The following CDH13 variants were observed in gnomAD, a reference collection of about 807,000 sequenced individuals.
CDH13 encodes the protein cadherin-13.
A neutral mutation model predicts 63.8 loss-of-function variants in CDH13; 24 were observed. The observed-to-expected ratio is 0.38, with a 90% CI of 0.27 to 0.53. The LOEUF (loss-of-function observed/expected upper bound fraction) is 0.53, where lower values mean the gene tolerates loss of function less well. CDH13 is among the 20% of genes least tolerant of loss of function. The probability of loss-of-function intolerance (pLI) is 0.85; values close to 1 mark genes in which losing one functional copy is unlikely to be tolerated. For synonymous variants in CDH13, 503 were observed against 355.3 expected (o/e 1.42, Z -4.67); for missense variants, 1,049 against 903.1 (o/e 1.16, Z -2.07).
intron 1 of CDH13, among the ~76,000 whole-genome samples, chr16:82,633,077 TCACGGGC>T (rs1908215412): frequency 6.6e-6 from 1 of 152,184 alleles, no homozygotes; most frequent in Non-Finnish European, 1.5e-5. Flanking sequence ...TTTTGCTTGC[TCACGGGC>T]CACTCACCTC....
chr16:83,316,223 C>G (rs1242588526), intron 5 of CDH13, among the ~76,000 whole-genome samples: 3 of 152,190 alleles, frequency 2.0e-5, no homozygotes, highest in East Asian at 1.9e-4. Context: ...AGGTCCCTCC[C>G]CAAACACGTG....
At chr16:83,175,860 C>T (rs894835013) in intron 4 of CDH13, among the ~76,000 whole-genome samples, 1 of 108,526 alleles carries the variant, frequency 9.2e-6, no homozygotes, top group African/African-American at 3.8e-5. Context: ...CGGAGTTTCA[C>T]TCTTATTGCC....
chr16:83,558,183 C>T (rs139898481), intron 7 of CDH13, among the ~76,000 whole-genome samples: 229 of 152,270 alleles, frequency 1.5e-3, no homozygotes, highest in African/African-American at 5.1e-3. Context: ...TTGAGACCAT[C>T]ACATTTGCTT....
rs2073895280 is a variant in CDH13 at position 83,486,562 on chromosome 16, G to A, written c.867G>A (p.Gln289=). 5.6e-6 allele frequency: 9 copies of A among 1,613,948 alleles called. No homozygotes were observed. In the Middle Eastern group the frequency reaches 4.9e-4, roughly 89 times the overall value. ...NALLRYNIRQ[Q]TPDKPSPNMF... ...TCCTGCGGTATAATATCCGTCAGCAGACGCCTGACAAGCCATCTCCCAACA... is the reference window on the plus strand; with the variant it reads ...TCCTGCGGTATAATATCCGTCAGCAAACGCCTGACAAGCCATCTCCCAACA... Residue 289 remains glutamine (Q), a synonymous_variant, in exon 7 of 14, where the codon CAG becomes CAA. Transcript: ENST00000567109.
intron 6 of CDH13, among the ~76,000 whole-genome samples, chr16:83,360,189 C>G (rs1470260378): frequency 2.6e-5 from 4 of 152,212 alleles, no homozygotes; most frequent in Non-Finnish European, 5.9e-5. Context: ...ATCGCTTTAG[C>G]TTGTGCAGAT....
intron 10 of CDH13, among the ~76,000 whole-genome samples, chr16:83,708,040 A>G (rs775928645): frequency 5.9e-5 from 9 of 152,134 alleles, no homozygotes; most frequent in Non-Finnish European, 1.2e-4. Context: ...ACCAGAAGGC[A>G]TGAGCTCCAT....
chr16:83,740,031 A>G (rs1287603403), intron 10 of CDH13: 1 of 152,194 alleles, frequency 6.6e-6, no homozygotes, highest in Non-Finnish European at 1.5e-5. Flanking sequence ...CCTACAAAGC[A>G]CAAGACACAC....
intron 4 of CDH13, among the ~76,000 whole-genome samples, chr16:83,193,053 C>A (rs1335092637): frequency 6.6e-6 from 1 of 151,956 alleles, no homozygotes; most frequent in Non-Finnish European, 1.5e-5. Flanking sequence ...AGATGGCACA[C>A]TCGGAGTTGT....
chr16:83,107,251 C>T (rs937085279), intron 3 of CDH13, among the ~76,000 whole-genome samples: 2 of 152,136 alleles, frequency 1.3e-5, no homozygotes, highest in Non-Finnish European at 2.9e-5. Context: ...TTCCAACCTT[C>T]TGGCCAGAGA....
At chr16:82,889,132 A>G (rs1447481647) in intron 2 of CDH13, among the ~76,000 whole-genome samples, 1 of 152,246 alleles carries the variant, frequency 6.6e-6, no homozygotes, top group Admixed American at 6.5e-5. Flanking sequence ...TCAATCACAG[A>G]AAATCATTCT....
intron 6 of CDH13, among the ~76,000 whole-genome samples, chr16:83,404,595 A>G (rs1187294005): frequency 1.3e-5 from 2 of 152,228 alleles, no homozygotes; most frequent in Non-Finnish European, 1.5e-5. Context: ...TATGGCATAG[A>G]TGTGTGTGCA....
chr16:83,758,984 A>G (rs1913735669), intron 11 of CDH13, among the ~76,000 whole-genome samples: 1 of 152,198 alleles, frequency 6.6e-6, no homozygotes, highest in Non-Finnish European at 1.5e-5. Flanking sequence ...GAGGGATTCA[A>G]TGCAATACCA....
chr16:83,220,715 C>T lies in CDH13; in HGVS notation c.636+3218C>T, dbSNP rs1292925086. 4.0e-5 allele frequency among the ~76,000 whole-genome samples: 6 copies of T among 148,716 alleles called. No individual in the cohort carries two copies. The East Asian group carries it at 5.9e-4, about 15-fold the overall frequency. On this transcript the variant is annotated intron_variant, in intron 5 of 13. Coordinates refer to ENST00000567109, the MANE Select transcript of CDH13 (RefSeq NM_001257.5). Reference sequence around the variant, plus strand: ...AGCCTGCAGGTGAATGTGTTGTCATCATAATAGCGCCAATGTTTCTGTTGT... The same window carrying T: ...AGCCTGCAGGTGAATGTGTTGTCATTATAATAGCGCCAATGTTTCTGTTGT...
intron 2 of CDH13, among the ~76,000 whole-genome samples, chr16:82,989,901 G>A (rs1056489060): frequency 2.6e-5 from 4 of 151,928 alleles, no homozygotes; most frequent in Admixed American, 1.3e-4. Context: ...CTAGCCCCAC[G>A]TCTCCGTTCA....
chr16:83,576,188 T>G (rs4527010), intron 7 of CDH13, among the ~76,000 whole-genome samples: 1 of 152,224 alleles, frequency 6.6e-6, no homozygotes, highest in South Asian at 2.1e-4. Flanking sequence ...AGTCCCTGGC[T>G]AAAAACAACC....
chr16:83,391,143 A>C (rs1055610794), intron 6 of CDH13, among the ~76,000 whole-genome samples: 1 of 151,974 alleles, frequency 6.6e-6, no homozygotes, highest in African/African-American at 2.4e-5. Context: ...AGAGGCCAAT[A>C]AGTATCTGCC....
chr16:83,455,857 A>C (rs926212537), intron 6 of CDH13, among the ~76,000 whole-genome samples: 1 of 152,194 alleles, frequency 6.6e-6, no homozygotes, highest in African/African-American at 2.4e-5. Flanking sequence ...GCTAGCTGGA[A>C]ACAAATCACT....
chr16:82,696,308 A>G (rs766355841), intron 1 of CDH13, among the ~76,000 whole-genome samples: 5 of 152,200 alleles, frequency 3.3e-5, no homozygotes, highest in Admixed American at 6.5e-5. Context: ...TATATATTTT[A>G]TATATAAATG....
At chr16:82,892,428 C>G (rs866772556) in intron 2 of CDH13, among the ~76,000 whole-genome samples, 10 of 152,148 alleles carry the variant, frequency 6.6e-5, no homozygotes, top group African/African-American at 2.4e-4. Flanking sequence ...CAAAGATTTT[C>G]CTTCATAAGT....
Sources: allele counts gnomAD v4.1 joint callset (sites outside exome capture counted in the v4.1 genomes callset), GRCh38; gene constraint gnomAD v4.1.1; transcripts MANE v1.5; gene names NCBI Gene and HGNC (gene_info 2026-07-23, HGNC 2026-07-21).